Variants in MARCHF1 observed in about 807,000 individuals in gnomAD.
MARCHF1 encodes the protein membrane associated ring-CH-type finger 1.
In MARCHF1, 40 loss-of-function variants were observed where a neutral mutation model predicts 54.2. The ratio of observed to expected loss-of-function variants is 0.74; its 90% confidence interval spans 0.57 to 0.96. MARCHF1 has a LOEUF of 0.96. MARCHF1 is among the 40% of genes least tolerant of loss of function. MARCHF1 has a pLI of 0.00. For missense variants in MARCHF1, 586 were observed against 656.5 expected (o/e 0.89, Z 1.17); for synonymous variants, 236 against 236.3 (o/e 1.00, Z 0.01).
chr4:164,224,353 T>C (rs1300992013), intron 1 of MARCHF1, among the ~76,000 whole-genome samples: 2 of 151,950 alleles, frequency 1.3e-5, no homozygotes, highest in African/African-American at 2.4e-5. Flanking sequence ...AGCCAAAAAA[T>C]TGGACATCCC....
intron 4 of MARCHF1, among the ~76,000 whole-genome samples, chr4:163,839,796 G>A (rs1406557599): frequency 1.3e-5 from 2 of 152,020 alleles, no homozygotes; most frequent in African/African-American, 4.8e-5. Context: ...AGATTATACC[G>A]ATGATTGCAG....
At chr4:163,736,880 A>G (rs1579242588) in intron 4 of MARCHF1, among the ~76,000 whole-genome samples, 1 of 152,202 alleles carries the variant, frequency 6.6e-6, no homozygotes, top group South Asian at 2.1e-4. Context: ...TACTGTCTTC[A>G]TACTTTTTAA....
chr4:164,293,369 C>A (rs1005370473), intron 1 of MARCHF1, among the ~76,000 whole-genome samples: 3 of 152,194 alleles, frequency 2.0e-5, no homozygotes, highest in African/African-American at 7.2e-5. Flanking sequence ...CTCACAAACC[C>A]ATTCCCAAAT....
intron 5 of MARCHF1, among the ~76,000 whole-genome samples, chr4:163,645,276 T>A (rs149101171): frequency 6.6e-6 from 1 of 152,114 alleles, no homozygotes; most frequent in Admixed American, 6.5e-5. Flanking sequence ...ACAGACCCCA[T>A]TGCAGTCTCA....
chr4:163,828,054 C>CAGAGAGAG (rs58684554), intron 4 of MARCHF1, among the ~76,000 whole-genome samples: 3 of 148,204 alleles, frequency 2.0e-5, no homozygotes, highest in Non-Finnish European at 4.5e-5. Context: ...CACACACACA[C>CAGAGAGAG]AGACACACCT....
chr4:163,541,127 C>T (rs563600230), intron 9 of MARCHF1, among the ~76,000 whole-genome samples: 29 of 152,350 alleles, frequency 1.9e-4, no homozygotes, highest in African/African-American at 5.8e-4. Context: ...GGGTTGTTCT[C>T]ATCTGCTGGA....
At chr4:164,242,540 G>A (rs1414404656) in intron 1 of MARCHF1, among the ~76,000 whole-genome samples, 1 of 151,600 alleles carries the variant, frequency 6.6e-6, no homozygotes, top group Non-Finnish European at 1.5e-5. Flanking sequence ...AAACAGAACA[G>A]AAAAACTGGA....
chr4:164,130,770 T>A (rs955413498), intron 1 of MARCHF1, among the ~76,000 whole-genome samples: 1 of 152,138 alleles, frequency 6.6e-6, no homozygotes, highest in Admixed American at 6.6e-5. Flanking sequence ...CTGGTTTTGG[T>A]TCACTGTTTT....
At chr4:164,329,614 A>G (rs977670317) in intron 1 of MARCHF1, among the ~76,000 whole-genome samples, 1 of 152,216 alleles carries the variant, frequency 6.6e-6, no homozygotes, top group Admixed American at 6.5e-5. Context: ...TCACAGTTTT[A>G]CAAGCTATAC....
chr4:164,192,893 T>C (rs569660279), intron 1 of MARCHF1, among the ~76,000 whole-genome samples: 2 of 152,288 alleles, frequency 1.3e-5, no homozygotes, highest in South Asian at 2.1e-4. Context: ...GCATTCCTTA[T>C]GAAAAGTTCT....
chr4:164,048,175 T>C (rs978533163), intron 2 of MARCHF1, among the ~76,000 whole-genome samples: 1 of 152,198 alleles, frequency 6.6e-6, no homozygotes, highest in African/African-American at 2.4e-5. Context: ...ATATTACTTT[T>C]CAATTCTGAT....
intron 4 of MARCHF1, among the ~76,000 whole-genome samples, chr4:163,719,328 G>GCTTCATCC (rs1369587721): frequency 3.9e-5 from 6 of 152,070 alleles, no homozygotes; most frequent in African/African-American, 1.4e-4. Flanking sequence ...ATGGTTTCTA[G>GCTTCATCC]CTTCATCCAT....
chr4:163,587,321 T>C (rs1297651047), intron 7 of MARCHF1, among the ~76,000 whole-genome samples: 1 of 152,208 alleles, frequency 6.6e-6, no homozygotes, highest in Non-Finnish European at 1.5e-5. Context: ...TACACTCATA[T>C]GTTTACTGCA....
intron 2 of MARCHF1, among the ~76,000 whole-genome samples, chr4:164,067,846 T>A (rs1754761919): frequency 6.6e-6 from 1 of 152,088 alleles, no homozygotes; most frequent in African/African-American, 2.4e-5. Flanking sequence ...ATATCCAGAA[T>A]CTATAAGGAA....
At chr4:164,235,727 A>T (rs1445405002) in intron 1 of MARCHF1, among the ~76,000 whole-genome samples, 2 of 151,894 alleles carry the variant, frequency 1.3e-5, no homozygotes, top group Non-Finnish European at 2.9e-5. Flanking sequence ...GACTTTAGAG[A>T]CTCAGAAGGG....
At chr4:163,631,268 C>T (rs1009462045) in intron 5 of MARCHF1, among the ~76,000 whole-genome samples, 15 of 151,332 alleles carry the variant, frequency 9.9e-5, no homozygotes, top group African/African-American at 3.6e-4. Context: ...TCTCGGCTCA[C>T]TGCAACCTCT....
chr4:163,938,512 G>A (rs181548671), intron 3 of MARCHF1, among the ~76,000 whole-genome samples: 11 of 152,204 alleles, frequency 7.2e-5, no homozygotes, highest in Middle Eastern at 3.4e-3. Context: ...AGCTAATTAC[G>A]TAGCCTCTAG....
intron 1 of MARCHF1, among the ~76,000 whole-genome samples, chr4:164,231,820 A>G (rs1295345591): frequency 6.6e-6 from 1 of 152,080 alleles, no homozygotes; most frequent in East Asian, 1.9e-4. Context: ...GTAAGTAATA[A>G]ATTCTGACAG....
chr4:163,700,168 G>C (rs1744762288), intron 5 of MARCHF1, among the ~76,000 whole-genome samples: 1 of 151,924 alleles, frequency 6.6e-6, no homozygotes, highest in Non-Finnish European at 1.5e-5. Flanking sequence ...GCAGATCTAT[G>C]GTGTTTGAAA....
Sources: allele counts gnomAD v4.1 joint callset (sites outside exome capture counted in the v4.1 genomes callset), GRCh38; gene constraint gnomAD v4.1.1; transcripts MANE v1.5; gene names NCBI Gene and HGNC (gene_info 2026-07-23, HGNC 2026-07-21).